The following HCN1 variants were observed in gnomAD, a reference collection of about 807,000 sequenced individuals.
HCN1 encodes the protein potassium/sodium hyperpolarization-activated cyclic nucleotide-gated channel 1.
Under a neutral mutation model 78.9 loss-of-function variants are expected in HCN1, and 13 were observed. The observed-to-expected ratio is 0.16, with a 90% CI of 0.11 to 0.26. HCN1 has a LOEUF of 0.26. Among genes scored for constraint, HCN1 ranks in the 10% least tolerant of loss-of-function variants. HCN1 has a pLI of 1.00. For synonymous variants in HCN1, 552 were observed against 455.5 expected (o/e 1.21, Z -2.70); for missense variants, 810 against 1,154.3 (o/e 0.70, Z 4.32).
chr5:45,270,319 C>A (rs932910323), intron 6 of HCN1, among the ~76,000 whole-genome samples: 10 of 152,182 alleles, frequency 6.6e-5, no homozygotes, highest in Non-Finnish European at 1.3e-4. Flanking sequence ...ATGTGGCCAG[C>A]CTTAGCTGCA....
At chr5:45,547,742 G>A (rs1743259006) in intron 2 of HCN1, among the ~76,000 whole-genome samples, 1 of 151,826 alleles carries the variant, frequency 6.6e-6, no homozygotes, top group East Asian at 1.9e-4. Context: ...TGTGTCATCT[G>A]TGAATTTGAT....
chr5:45,619,743 G>C (rs763171740), intron 2 of HCN1, among the ~76,000 whole-genome samples: 1 of 151,926 alleles, frequency 6.6e-6, no homozygotes, highest in Non-Finnish European at 1.5e-5. Context: ...GGACAAACAG[G>C]ATATTTGCAT....
chr5:45,267,020 T>G, intron 7 of HCN1, 69 bp downstream of exon 7: 1 of 1,353,198 alleles, frequency 7.4e-7, no homozygotes, highest in Non-Finnish European at 1.1e-6. Flanking sequence ...CATTTGGGAC[T>G]TATAATTGCA....
chr5:45,334,257 G>A (rs1746406224), intron 5 of HCN1, among the ~76,000 whole-genome samples: 1 of 151,698 alleles, frequency 6.6e-6, no homozygotes, highest in Admixed American at 6.6e-5. Context: ...AGCTGAAAAA[G>A]CAACTAGATT....
chr5:45,290,207 C>T (rs1184379455), intron 6 of HCN1, among the ~76,000 whole-genome samples: 1 of 152,028 alleles, frequency 6.6e-6, no homozygotes, highest in Admixed American at 6.6e-5. Context: ...ACTGTGAGGA[C>T]TCCCCAGCCA....
intron 3 of HCN1, among the ~76,000 whole-genome samples, chr5:45,457,363 C>A (rs970412718): frequency 2.6e-5 from 4 of 151,992 alleles, no homozygotes; most frequent in African/African-American, 9.7e-5. Flanking sequence ...TAGTGTTGTA[C>A]ACCTAAACAC....
intron 2 of HCN1, among the ~76,000 whole-genome samples, chr5:45,508,354 T>G (rs1742348555): frequency 6.6e-6 from 1 of 152,116 alleles, no homozygotes; most frequent in Non-Finnish European, 1.5e-5. Flanking sequence ...AATTTTCACC[T>G]GTTTGTAACT....
intron 3 of HCN1, among the ~76,000 whole-genome samples, chr5:45,440,207 C>G (rs1031111291): frequency 6.6e-6 from 1 of 151,742 alleles, no homozygotes; most frequent in African/African-American, 2.4e-5. Flanking sequence ...TCACTGATTA[C>G]TATACTTGAG....
chr5:45,420,298 C>A (rs1369661858), intron 3 of HCN1, among the ~76,000 whole-genome samples: 6 of 152,072 alleles, frequency 3.9e-5, no homozygotes, highest in Non-Finnish European at 8.8e-5. Flanking sequence ...CTACAGAACC[C>A]CCCAAAATTT....
chr5:45,467,899 T>C (rs1370226824), intron 2 of HCN1, among the ~76,000 whole-genome samples: 6 of 152,236 alleles, frequency 3.9e-5, no homozygotes, highest in African/African-American at 9.6e-5. Flanking sequence ...TTTTTCCCTC[T>C]TTTTAGTCTT....
intron 1 of HCN1, among the ~76,000 whole-genome samples, chr5:45,692,660 G>A (rs1053629010): frequency 5.3e-5 from 8 of 152,092 alleles, no homozygotes; most frequent in Non-Finnish European, 7.4e-5. Context: ...CAGGGGTAGA[G>A]AAAACTACCT....
At chr5:45,361,163 G>A (rs1307097490) in intron 4 of HCN1, among the ~76,000 whole-genome samples, 1 of 152,148 alleles carries the variant, frequency 6.6e-6, no homozygotes, top group East Asian at 1.9e-4. Flanking sequence ...TCCTGCCTCA[G>A]CTGTAGCTGA....
At chr5:45,307,711 G>A (rs1168363723) in intron 5 of HCN1, among the ~76,000 whole-genome samples, 1 of 152,074 alleles carries the variant, frequency 6.6e-6, no homozygotes, top group Non-Finnish European at 1.5e-5. Context: ...AAGGAGACAT[G>A]ACAAGTGACC....
intron 2 of HCN1, among the ~76,000 whole-genome samples, chr5:45,618,741 TTAA>T (rs1434885731): frequency 9.2e-5 from 14 of 152,058 alleles, no homozygotes; most frequent in African/African-American, 3.4e-4. Context: ...TAATCAGGAC[TTAA>T]TAATTGATTG....
intron 2 of HCN1, among the ~76,000 whole-genome samples, chr5:45,629,319 C>T (rs1745229052): frequency 6.6e-6 from 1 of 152,060 alleles, no homozygotes; most frequent in Non-Finnish European, 1.5e-5. Context: ...AAGATTTGAA[C>T]AACATTGTTA....
intron 5 of HCN1, among the ~76,000 whole-genome samples, chr5:45,333,921 C>T (rs1004425652): frequency 1.3e-5 from 2 of 151,716 alleles, no homozygotes; most frequent in Non-Finnish European, 2.9e-5. Flanking sequence ...TTAAGTAGGG[C>T]AAGATGGTAT....
intron 3 of HCN1, among the ~76,000 whole-genome samples, chr5:45,426,021 G>GGT (rs1256035296): frequency 1.3e-4 from 20 of 152,122 alleles, no homozygotes; most frequent in African/African-American, 4.8e-4. Context: ...ATAGGTACTA[G>GGT]GTATATATGT....
intron 2 of HCN1, among the ~76,000 whole-genome samples, chr5:45,626,559 A>C (rs1237296589): frequency 1.3e-5 from 2 of 152,172 alleles, no homozygotes; most frequent in Non-Finnish European, 2.9e-5. Flanking sequence ...AAGGAGTAGC[A>C]ACTTTAGCTA....
rs138317704 is a variant in HCN1 at position 45,458,445 on chromosome 5, G to A, written c.1011+3401C>T. On this transcript the variant is annotated intron_variant, in intron 3 of 7. Coordinates refer to ENST00000303230, the MANE Select transcript of HCN1 (RefSeq NM_021072.4). ...ACGAGTGCATTCCTGCATATATCCT[G>A]GCCTGGCTCCTTAATTTTTTGATTT... is the stretch of plus-strand genomic sequence containing the variant. Among the ~76,000 whole-genome samples, 11 of 152,062 alleles carry A rather than the reference G, an allele frequency of 7.2e-5. No individual in the cohort carries two copies. The East Asian group carries it at 2.1e-3, about 29-fold the overall frequency.
Sources: allele counts gnomAD v4.1 joint callset (sites outside exome capture counted in the v4.1 genomes callset), GRCh38; gene constraint gnomAD v4.1.1; transcripts MANE v1.5; gene names NCBI Gene and HGNC (gene_info 2026-07-23, HGNC 2026-07-21).